PDZRN3: variants seen among roughly 807,000 people sequenced by gnomAD.
PDZRN3 encodes the protein E3 ubiquitin-protein ligase PDZRN3.
Under a neutral mutation model 85.7 loss-of-function variants are expected in PDZRN3, and 38 were observed. The observed-to-expected ratio is 0.44, with a 90% CI of 0.34 to 0.58. The LOEUF is 0.58. PDZRN3 is among the 20% of genes least tolerant of loss of function. The probability of loss-of-function intolerance (pLI) is 0.01; values close to 1 mark genes in which losing one functional copy is unlikely to be tolerated. For synonymous variants in PDZRN3, 759 were observed against 638.0 expected (o/e 1.19, Z -2.86); for missense variants, 1,629 against 1,506.4 (o/e 1.08, Z -1.35).
chr3:73,447,378 G>T (rs890847140), intron 3 of PDZRN3, among the ~76,000 whole-genome samples: 1 of 152,038 alleles, frequency 6.6e-6, no homozygotes, highest in Non-Finnish European at 1.5e-5. Flanking sequence ...GGCCGACAGA[G>T]GTTTCTCAAG....
chr3:73,403,434 T>C (rs968774893), intron 4 of PDZRN3, among the ~76,000 whole-genome samples: 1 of 152,214 alleles, frequency 6.6e-6, no homozygotes, highest in Non-Finnish European at 1.5e-5. Flanking sequence ...TATTGTTTCA[T>C]TTAATCCTTC....
intron 3 of PDZRN3, among the ~76,000 whole-genome samples, chr3:73,434,596 CAACT>C (rs1702496371): frequency 1.3e-5 from 2 of 152,294 alleles, no homozygotes; most frequent in South Asian, 2.1e-4. Context: ...AAGGGCTGCC[CAACT>C]AACTGGAAGG....
intron 3 of PDZRN3, among the ~76,000 whole-genome samples, chr3:73,482,234 T>G (rs1459885042): frequency 6.6e-6 from 1 of 152,242 alleles, no homozygotes; most frequent in Non-Finnish European, 1.5e-5. Context: ...GTATTTATAA[T>G]TCATTTCAAG....
rs1413083569 is a variant in PDZRN3, at chr3:73,382,512, ATTTAT to A, written c.*848_*852del. On this transcript the variant is annotated 3_prime_UTR_variant, in exon 10 of 10. Coordinates refer to ENST00000263666, the MANE Select transcript of PDZRN3 (RefSeq NM_015009.3). ...AAAACATATCAAATAGAAAATAATA[ATTTAT>A]TTTAACTTCATTTTACTGTTTGTAA... 6.6e-6 allele frequency: 1 copy of A among 152,664 alleles called. No individual in the cohort carries two copies. Among genetic ancestry groups the A allele is most frequent in the Non-Finnish European group, 1.5e-5 (1 of 68,038 alleles). The allele number at this position is 152,664 out of a possible 1,614,324, so 9.5% of individuals were successfully genotyped here. A position where few individuals can be genotyped will look rare whatever the true frequency, so the allele number is the denominator to read the frequency against.
chr3:73,403,102 C>T (rs1406473263), intron 4 of PDZRN3, among the ~76,000 whole-genome samples: 1 of 152,144 alleles, frequency 6.6e-6, no homozygotes, highest in Non-Finnish European at 1.5e-5. Flanking sequence ...CGCCACCACA[C>T]CTGGCTAATT....
In PDZRN3 at chr3:73,430,629, T is replaced by G. The variant is rs372771989; in HGVS notation, c.919-26234A>C. The stretch of plus-strand genomic sequence containing the variant: ...AACAAGGCTGGTGCTTAGCCTGTGC[T>G]GGAGTCACTGGCATCAAACCCACAG... On this transcript the variant is annotated intron_variant, in intron 3 of 9. Transcript: ENST00000263666. 4.2e-4 allele frequency among the ~76,000 whole-genome samples: 64 copies of G among 152,294 alleles called. No individual in the cohort carries two copies. The South Asian group carries it at 0.013, about 31-fold the overall frequency.
At chr3:73,384,994 G>T in intron 9 of PDZRN3, 64 bp from the exon 10 acceptor site, 2 of 1,524,986 alleles carry the variant, frequency 1.3e-6, no homozygotes, top group South Asian at 1.3e-5. Flanking sequence ...ACTCAGGTTT[G>T]ACCTTTCCTT....
At chr3:73,608,282 T>G (rs1041130714) in intron 2 of PDZRN3, among the ~76,000 whole-genome samples, 2 of 152,228 alleles carry the variant, frequency 1.3e-5, no homozygotes, top group Admixed American at 1.3e-4. Context: ...CAGTTCCAAC[T>G]GCACACATCT....
At chr3:73,501,949 G>T (rs923931692) in intron 3 of PDZRN3, among the ~76,000 whole-genome samples, 5 of 152,186 alleles carry the variant, frequency 3.3e-5, no homozygotes, top group Admixed American at 6.5e-5. Flanking sequence ...CTGGGAGGCG[G>T]AGATGCAGTG....
chr3:73,388,142 A>G, intron 7 of PDZRN3, 73 bp from the exon 8 acceptor site: 1 of 738,046 alleles, frequency 1.4e-6, no homozygotes, highest in South Asian at 1.9e-5. Context: ...AAATCATTCT[A>G]TTTTATTTCA....
At chr3:73,388,197 G>A (rs142709696) in intron 7 of PDZRN3, 128 bp from the exon 8 acceptor site, 38 of 566,248 alleles carry the variant, frequency 6.7e-5, no homozygotes, top group African/African-American at 5.3e-4. Context: ...TACAACTTCC[G>A]TGTAGCTGGA....
intron 3 of PDZRN3, among the ~76,000 whole-genome samples, chr3:73,442,999 C>G (rs1444984998): frequency 1.3e-5 from 2 of 152,138 alleles, no homozygotes; most frequent in Non-Finnish European, 2.9e-5. Flanking sequence ...TCCTCCTTCA[C>G]CTGAAGGGAG....
intron 3 of PDZRN3, among the ~76,000 whole-genome samples, chr3:73,414,565 T>C (rs992411076): frequency 5.3e-5 from 8 of 152,238 alleles, no homozygotes; most frequent in Admixed American, 5.2e-4. Flanking sequence ...AAAACTTTCA[T>C]TAAATTGATT....
intron 3 of PDZRN3, chr3:73,434,040 A>G (rs778042475): frequency 8.6e-6 from 7 of 809,346 alleles, no homozygotes; most frequent in Non-Finnish European, 1.1e-5. Context: ...CTGCTCATGC[A>G]TATTAATCAG....
chr3:73,481,479 C>A (rs566535397), intron 3 of PDZRN3, among the ~76,000 whole-genome samples: 1 of 152,044 alleles, frequency 6.6e-6, no homozygotes, highest in East Asian at 1.9e-4. Context: ...TACAGGCATG[C>A]GCCTTCATGG....
intron 5 of PDZRN3, among the ~76,000 whole-genome samples, chr3:73,398,861 C>T (rs138928961): frequency 2.3e-3 from 353 of 152,250 alleles, no homozygotes; most frequent in African/African-American, 8.0e-3. Context: ...TTCTGCTTGA[C>T]GCAGTGGTAT....
At chr3:73,582,334 G>C (rs4340643) in intron 3 of PDZRN3, among the ~76,000 whole-genome samples, 136,231 of 152,052 alleles carry the variant, frequency 0.9, 61,084 homozygotes, top group African/African-American at 0.94. Flanking sequence ...ATGGTGCATT[G>C]AATAAAATAT....
intron 3 of PDZRN3, among the ~76,000 whole-genome samples, chr3:73,596,395 G>A (rs1702430881): frequency 6.6e-6 from 1 of 152,204 alleles, no homozygotes; most frequent in Non-Finnish European, 1.5e-5. Flanking sequence ...GTGTGTGACA[G>A]TTTGAGGAGT....
chr3:73,483,850 A>G (rs1034262289), intron 3 of PDZRN3, among the ~76,000 whole-genome samples: 2 of 152,172 alleles, frequency 1.3e-5, no homozygotes, highest in African/African-American at 2.4e-5. Flanking sequence ...GTGTGTGAAA[A>G]AGGCTGTGAA....
Sources: allele counts gnomAD v4.1 joint callset (sites outside exome capture counted in the v4.1 genomes callset), GRCh38; gene constraint gnomAD v4.1.1; transcripts MANE v1.5; gene names NCBI Gene and HGNC (gene_info 2026-07-23, HGNC 2026-07-21).